ADAMTS12: variants seen among roughly 807,000 people sequenced by gnomAD.
ADAMTS12 encodes A disintegrin and metalloproteinase with thrombospondin motifs 12.
Under a neutral mutation model 167.8 loss-of-function variants are expected in ADAMTS12, and 118 were observed. The ratio of observed to expected loss-of-function variants is 0.70; its 90% confidence interval spans 0.61 to 0.82. The LOEUF (loss-of-function observed/expected upper bound fraction) is 0.82, where lower values mean the gene tolerates loss of function less well. Ranked by LOEUF, ADAMTS12 falls within the 40% of genes least tolerant of loss-of-function variation. ADAMTS12 has a pLI of 0.00. For missense variants in ADAMTS12, 1,916 were observed against 1,998.8 expected, an observed-to-expected ratio of 0.96 and a Z score of 0.79; for synonymous variants, 704 against 716.9, an observed-to-expected ratio of 0.98 and a Z score of 0.29.
intron 2 of ADAMTS12, among the ~76,000 whole-genome samples, chr5:33,827,710 A>AACAG (rs1561294058): frequency 1.0e-5 from 1 of 99,004 alleles, no homozygotes; most frequent in African/African-American, 3.5e-5. Flanking sequence ...GAGAAAACAA[A>AACAG]ATAGATAGAT....
chr5:33,861,583 A>C (rs1432843702), intron 2 of ADAMTS12, among the ~76,000 whole-genome samples: 1 of 152,208 alleles, frequency 6.6e-6, no homozygotes, highest in African/African-American at 2.4e-5. Context: ...ACATTGGGAG[A>C]CTTTAACACC....
intron 17 of ADAMTS12, among the ~76,000 whole-genome samples, chr5:33,589,619 T>C (rs1050856968): frequency 1.3e-5 from 2 of 152,196 alleles, no homozygotes; most frequent in African/African-American, 4.8e-5. Context: ...GTGCAAATCT[T>C]CCCCAACACC....
rs1231618846 is a variant in ADAMTS12, at chr5:33,883,337, TTTTTG to T, written c.128-1862_128-1858del. Among the ~76,000 whole-genome samples the T allele has an allele frequency of 1.4e-3, 202 of 149,270 alleles. 2 individuals carry two copies. The highest frequency in any genetic ancestry group is 5.0e-3 in the African/African-American group (200 of 40,284). On this transcript the variant is annotated intron_variant, in intron 1 of 23. Transcript: ENST00000504830. ...TTTGGTTTTTTTTTTGTTTTTTTTT[TTTTTG>T]TTTTTTTTTTTTCCAGGCAACTACC...
At chr5:33,790,007 C>T (rs971362276) in intron 2 of ADAMTS12, among the ~76,000 whole-genome samples, 10 of 152,114 alleles carry the variant, frequency 6.6e-5, no homozygotes, top group African/African-American at 2.2e-4. Context: ...TCAAACATAA[C>T]CACAATATTA....
chr5:33,565,768 C>T (rs557852808), intron 19 of ADAMTS12, among the ~76,000 whole-genome samples: 5 of 141,450 alleles, frequency 3.5e-5, no homozygotes, highest in Non-Finnish European at 7.6e-5. Flanking sequence ...AGAATTAATT[C>T]TTTGTATCTT....
intron 18 of ADAMTS12, among the ~76,000 whole-genome samples, chr5:33,580,860 A>G (rs1436762766): frequency 6.6e-6 from 1 of 152,138 alleles, no homozygotes; most frequent in East Asian, 1.9e-4. Flanking sequence ...GCAACCCAAA[A>G]CCTGATTAAT....
chr5:33,563,404 G>A (rs1201567397), intron 19 of ADAMTS12, among the ~76,000 whole-genome samples: 1 of 152,098 alleles, frequency 6.6e-6, no homozygotes, highest in Admixed American at 6.5e-5. Flanking sequence ...CTCAAGAGTT[G>A]GTGCTTTCCA....
In ADAMTS12 at chr5:33,639,477, C is replaced by T. The variant is rs767248691; in HGVS notation, c.1719-1731G>A. On this transcript the variant is annotated intron_variant, in intron 11 of 23. Transcript: ENST00000504830. ...AATGAGGCTAGTTGGGAAGGATTTA[C>T]GGAAGGGCTTGTCCTGGAGAATGGT... Among the ~76,000 whole-genome samples, 9 of 152,162 alleles carry T rather than the reference C, an allele frequency of 5.9e-5. No individual in the cohort carries two copies. The South Asian group carries it at 6.2e-4, about 11-fold the overall frequency.
intron 18 of ADAMTS12, among the ~76,000 whole-genome samples, chr5:33,584,615 A>G (rs1221023913): frequency 6.6e-6 from 1 of 152,168 alleles, no homozygotes; most frequent in Non-Finnish European, 1.5e-5. Flanking sequence ...TTTAGTGAAC[A>G]CTTACTTTTT....
intron 18 of ADAMTS12, among the ~76,000 whole-genome samples, chr5:33,578,441 G>C (rs767609894): frequency 6.6e-6 from 1 of 152,150 alleles, no homozygotes; most frequent in Admixed American, 6.5e-5. Context: ...CACTGTACAA[G>C]TAGCTGTCCA....
chr5:33,606,368 T>C (rs1482917828), intron 16 of ADAMTS12, among the ~76,000 whole-genome samples: 1 of 152,204 alleles, frequency 6.6e-6, no homozygotes, highest in Non-Finnish European at 1.5e-5. Context: ...GACACTTACT[T>C]GAATGCTTCT....
At position 33,890,668 on chromosome 5, in the gene ADAMTS12, C is replaced by T. The variant is rs1043360640; in HGVS notation, c.127+1062G>A. Among the ~76,000 whole-genome samples, 7 of 152,312 alleles carry T rather than the reference C, an allele frequency of 4.6e-5. No individual in the cohort carries two copies. The South Asian group carries it at 6.2e-4, about 14-fold the overall frequency. On this transcript the variant is annotated intron_variant, in intron 1 of 23. Transcript: ENST00000504830. Reference sequence around the variant, plus strand: ...CAGCAAACACAGGACTTAGTGCATGCTAACCCAGTGCTCTGTGTGCGTGTG... The same window carrying T: ...CAGCAAACACAGGACTTAGTGCATGTTAACCCAGTGCTCTGTGTGCGTGTG...
chr5:33,593,274 T>G (rs958777480), intron 17 of ADAMTS12, among the ~76,000 whole-genome samples: 2 of 152,154 alleles, frequency 1.3e-5, no homozygotes, highest in Non-Finnish European at 2.9e-5. Flanking sequence ...AGAAAAAGTT[T>G]AAATGTAGGG....
At chr5:33,794,157 A>G (rs1324177537) in intron 2 of ADAMTS12, among the ~76,000 whole-genome samples, 1 of 152,158 alleles carries the variant, frequency 6.6e-6, no homozygotes. Flanking sequence ...AGTTCCAAGT[A>G]AAGTCGGAAA....
intron 2 of ADAMTS12, among the ~76,000 whole-genome samples, chr5:33,859,900 C>A (rs773463925): frequency 1.3e-5 from 2 of 152,184 alleles, no homozygotes; most frequent in Non-Finnish European, 2.9e-5. Context: ...CAAACTGCAG[C>A]AGACCTGCAG....
intron 20 of ADAMTS12, among the ~76,000 whole-genome samples, chr5:33,558,485 A>G (rs1182606285): frequency 6.6e-6 from 1 of 152,138 alleles, no homozygotes; most frequent in Admixed American, 6.5e-5. Context: ...TAATCAATAT[A>G]TCTGCAACCC....
In ADAMTS12 at chr5:33,798,081, A is replaced by G. The variant is rs376431924; in HGVS notation, c.490-46533T>C. On this transcript the variant is annotated intron_variant, in intron 2 of 23. Transcript: ENST00000504830. ...CTGACTATCCTTCTCGTTCCTAAAT[A>G]TGAAGGAAATTTCTGAATAAAACAA... Among the ~76,000 whole-genome samples, 32 of 152,342 alleles carry G rather than the reference A, an allele frequency of 2.1e-4. No homozygotes were observed. The East Asian group carries it at 4.6e-3, about 22-fold the overall frequency.
At chr5:33,827,852 A>G (rs1404298661) in intron 2 of ADAMTS12, among the ~76,000 whole-genome samples, 2 of 152,192 alleles carry the variant, frequency 1.3e-5, no homozygotes, top group African/African-American at 4.8e-5. Flanking sequence ...AAAAAACTCA[A>G]ATATACCTTG....
At chr5:33,743,061 A>T (rs1744651673) in intron 3 of ADAMTS12, among the ~76,000 whole-genome samples, 1 of 152,334 alleles carries the variant, frequency 6.6e-6, no homozygotes, top group Non-Finnish European at 1.5e-5. Flanking sequence ...TTAGCATGAA[A>T]GGGTGAGCCA....
Sources: allele counts gnomAD v4.1 joint callset (sites outside exome capture counted in the v4.1 genomes callset), GRCh38; gene constraint gnomAD v4.1.1; transcripts MANE v1.5; gene names NCBI Gene and HGNC (gene_info 2026-07-23, HGNC 2026-07-21).